ZNF232: variants seen among roughly 807,000 people sequenced by gnomAD.
ZNF232 encodes zinc finger and SCAN domain-containing protein 11.
A neutral mutation model predicts 25.2 loss-of-function variants in ZNF232; 25 were observed. The ratio of observed to expected loss-of-function variants is 0.99; its 90% CI spans 0.72 to 1.39. ZNF232 has a LOEUF of 1.39. ZNF232 is among the 40% of genes most tolerant of loss of function. The pLI, the probability that ZNF232 is intolerant of heterozygous loss-of-function variation, is 0.00. For missense variants in ZNF232, 519 were observed against 520.9 expected (o/e 1.00, Z 0.04); for synonymous variants, 193 against 182.9 (o/e 1.06, Z -0.45).
chr17:5,116,067 G>A (rs981272164), upstream of ZNF232, among the ~76,000 whole-genome samples: 4 of 152,158 alleles, frequency 2.6e-5, no homozygotes, highest in Admixed American at 6.5e-5. Flanking sequence ...GGCGGGCCCC[G>A]ACGCCCAGCT....
chr17:5,122,352 G>A (rs1301212930), intron 1 of ZNF232, among the ~76,000 whole-genome samples: 1 of 152,200 alleles, frequency 6.6e-6, no homozygotes, highest in African/African-American at 2.4e-5. Flanking sequence ...GCCACAGGGT[G>A]AAGAGCAAGG....
rs531992462 is a variant in ZNF232 at position 5,109,697 on chromosome 17, G to C, written c.195C>G (p.Thr65=). The change falls in exon 2 of 4, where the codon ACC becomes ACG. Residue 65 remains threonine, a synonymous_variant. Coordinates refer to ENST00000575898, the Ensembl canonical transcript of ZNF232. ...TGGTAGAGTGGTTCCCAGGTAGCCTGGTCTCATACTCACAAGACTGTTCCT... is the reference window on the plus strand; with the variant it reads ...TGGTAGAGTGGTTCCCAGGTAGCCTCGTCTCATACTCACAAGACTGTTCCT... 5 of 1,614,124 alleles carry C rather than the reference G, an allele frequency of 3.1e-6. No homozygotes were observed. The South Asian group carries it at 4.4e-5, about 14-fold the overall frequency.
chr17:5,118,001 G>A (rs943175919), intron 1 of ZNF232, among the ~76,000 whole-genome samples: 2 of 151,270 alleles, frequency 1.3e-5, no homozygotes, highest in African/African-American at 2.4e-5. Flanking sequence ...CCTGGGAGGC[G>A]GAGATTGAAG....
chr17:5,121,051 G>A (rs1303416342), intron 1 of ZNF232, among the ~76,000 whole-genome samples: 2 of 152,222 alleles, frequency 1.3e-5, no homozygotes, highest in African/African-American at 2.4e-5. Context: ...TTTACAGGAT[G>A]TGTGTATTTG....
At chr17:5,110,566 T>G (rs1308172864) in intron 1 of ZNF232, among the ~76,000 whole-genome samples, 1 of 152,210 alleles carries the variant, frequency 6.6e-6, no homozygotes, top group Non-Finnish European at 1.5e-5. Context: ...TCCTCTGAGA[T>G]GGCTCCTCCC....
chr17:5,112,033 C>G, upstream of ZNF232: 1 of 704,084 alleles, frequency 1.4e-6, no homozygotes, highest in South Asian at 1.9e-5. Context: ...AAAGAGCGCG[C>G]CGCCTGCACG....
upstream of ZNF232, chr17:5,115,035 C>A (rs1448007238): frequency 6.6e-6 from 1 of 152,050 alleles, no homozygotes; most frequent in African/African-American, 2.4e-5. Context: ...TTACGGCAGC[C>A]CGAGCTAAGA....
chr17:5,117,103 G>C (rs963389745), intron 1 of ZNF232, among the ~76,000 whole-genome samples: 1 of 152,198 alleles, frequency 6.6e-6, no homozygotes, highest in Non-Finnish European at 1.5e-5. Flanking sequence ...GGCACTTATG[G>C]TTGCAACTTT....
intron 3 of ZNF232, chr17:5,106,524 T>C (rs1394434210): frequency 6.8e-6 from 11 of 1,608,982 alleles, no homozygotes; most frequent in Non-Finnish European, 9.3e-6. Context: ...AAAATGTAAA[T>C]ATACCTGTTC....
At chr17:5,109,739 C>G in exon 2 of ZNF232, 2 of 1,614,184 alleles carry the variant, frequency 1.2e-6, no homozygotes, top group South Asian at 2.2e-5. Flanking sequence ...TTGGTCCCAT[C>G]ATCATCATCT....
At chr17:5,118,955 A>G (rs2143694227) in intron 1 of ZNF232, among the ~76,000 whole-genome samples, 1 of 152,300 alleles carries the variant, frequency 6.6e-6, no homozygotes, top group Admixed American at 6.5e-5. Context: ...AGAAAGAACC[A>G]ATCGGGAGGG....
At chr17:5,121,451 C>T (rs1354624895) in intron 1 of ZNF232, 4 of 285,876 alleles carry the variant, frequency 1.4e-5, no homozygotes, top group Non-Finnish European at 2.0e-5. Flanking sequence ...TGGAGCTCTA[C>T]ATCTCTGTGC....
chr17:5,117,662 C>T (rs899111883), intron 1 of ZNF232, among the ~76,000 whole-genome samples: 6 of 152,048 alleles, frequency 3.9e-5, no homozygotes, highest in African/African-American at 1.5e-4. Context: ...AGGGGGATGG[C>T]ACTATCAGAT....
chr17:5,108,337 T>C (rs552711037), intron 3 of ZNF232, among the ~76,000 whole-genome samples: 2 of 152,138 alleles, frequency 1.3e-5, no homozygotes, highest in Non-Finnish European at 2.9e-5. Flanking sequence ...TTTGCAGGTA[T>C]GTATGCAGGC....
At chr17:5,109,563 G>A in exon 2 of ZNF232, 1 of 1,614,174 alleles carries the variant, frequency 6.2e-7, no homozygotes, top group South Asian at 1.1e-5. Context: ...GTGTTTCTCT[G>A]GCCTCAGCCA....
upstream of ZNF232, among the ~76,000 whole-genome samples, chr17:5,113,166 C>A (rs1008358601): frequency 1.8e-4 from 28 of 152,300 alleles, 1 homozygote; most frequent in Admixed American, 1.8e-3. Context: ...CTTGAAAATG[C>A]GCATTGACAC....
chr17:5,109,612 G>A lies in ZNF232; in HGVS notation c.280C>T (p.Arg94Trp), dbSNP rs544793727. The change falls in exon 2 of 4, where the codon CGG becomes TGG. Residue 94 changes from arginine (R) to tryptophan (W), a missense_variant. Coordinates refer to ENST00000575898, the Ensembl canonical transcript of ZNF232. ...ACTCGTAGTTGGCTCAAGGCCTCCC[G>A]GGGACCAGGAGTCTCCTGGTAGCGG... is the stretch of plus-strand genomic sequence containing the variant. 1.4e-5 allele frequency: 22 copies of A among 1,614,182 alleles called. No homozygotes were observed. The highest frequency in any genetic ancestry group is 5.5e-5 in the South Asian group (5 of 91,082).
chr17:5,123,045 G>T (rs2072747651), exon 1 of ZNF232: 1 of 153,514 alleles, frequency 6.5e-6, no homozygotes, highest in South Asian at 1.8e-4. Flanking sequence ...GGCTGCGCAG[G>T]GCTGGACCTG....
exon 4 of ZNF232, chr17:5,105,808 C>T (rs774613465): frequency 2.1e-5 from 33 of 1,550,778 alleles, no homozygotes; most frequent in Non-Finnish European, 2.7e-5. Flanking sequence ...TGTCTGGAGA[C>T]GTTCTCCCCT....
Sources: allele counts gnomAD v4.1 joint callset (sites outside exome capture counted in the v4.1 genomes callset), GRCh38; gene constraint gnomAD v4.1.1; transcripts MANE v1.5; gene names NCBI Gene and HGNC (gene_info 2026-07-23, HGNC 2026-07-21).